Variants in HDAC9 observed in about 807,000 individuals in gnomAD.
The protein encoded by HDAC9 is MEF-2 interacting transcription repressor (MITR) protein.
Under a neutral mutation model 139.4 loss-of-function variants are expected in HDAC9, and 41 were observed. The ratio of observed to expected loss-of-function variants is 0.29; its 90% confidence interval spans 0.23 to 0.38. The LOEUF (loss-of-function observed/expected upper bound fraction) is 0.38, where lower values mean the gene tolerates loss of function less well. HDAC9 is among the 10% of genes least tolerant of loss of function. HDAC9 has a pLI of 1.00. For synonymous variants in HDAC9, 517 were observed against 476.2 expected (o/e 1.09, Z -1.12); for missense variants, 1,147 against 1,297.0 (o/e 0.88, Z 1.78).
At chr7:18,100,472 A>T (rs563350206) in intron 1 of HDAC9, among the ~76,000 whole-genome samples, 1 of 151,700 alleles carries the variant, frequency 6.6e-6, no homozygotes, top group Admixed American at 6.6e-5. Context: ...CTGTTTGTTT[A>T]TTTTTATTTT....
chr7:18,911,030 T>C (rs1018937372), intron 22 of HDAC9, among the ~76,000 whole-genome samples: 26 of 151,926 alleles, frequency 1.7e-4, no homozygotes, highest in African/African-American at 6.3e-4. Flanking sequence ...TTGGTGTTAT[T>C]TATTCTTCCA....
intron 1 of HDAC9, among the ~76,000 whole-genome samples, chr7:18,438,285 C>G (rs186869892): frequency 9.2e-5 from 14 of 152,062 alleles, no homozygotes; most frequent in African/African-American, 3.1e-4. Context: ...TACCTTTATT[C>G]ACTCTGAGGA....
At chr7:18,162,313 C>T (rs1787683936) in exon 2 of HDAC9, 1 of 1,535,074 alleles carries the variant, frequency 6.5e-7, no homozygotes, top group Non-Finnish European at 8.7e-7. Flanking sequence ...CTTAGCAGTC[C>T]CTCTGATTCT....
chr7:18,273,671 G>A (rs1796531938), intron 2 of HDAC9, among the ~76,000 whole-genome samples: 1 of 152,098 alleles, frequency 6.6e-6, no homozygotes, highest in African/African-American at 2.4e-5. Flanking sequence ...ATTTTAAAAA[G>A]CACTAATCTC....
chr7:18,973,463 A>G (rs935688549), intron 24 of HDAC9, among the ~76,000 whole-genome samples: 1 of 152,260 alleles, frequency 6.6e-6, no homozygotes, highest in Non-Finnish European at 1.5e-5. Flanking sequence ...GGGTAATACT[A>G]CAATAACATT....
chr7:18,809,265 T>A (rs1334336476), intron 17 of HDAC9, among the ~76,000 whole-genome samples: 1 of 151,914 alleles, frequency 6.6e-6, no homozygotes, highest in Non-Finnish European at 1.5e-5. Context: ...AAACCCTCCT[T>A]AACAGGGTCT....
chr7:18,132,219 A>G lies in HDAC9; in HGVS notation c.-96-30010A>G, dbSNP rs553560745. On this transcript the variant is annotated intron_variant, in intron 1 of 12. Transcript: ENST00000417496. ...ATGTTATTTCTCTTTTCTTCAGACA[A>G]TGAGTAGCTTCCAAAATCCATGATG... 8.5e-5 allele frequency among the ~76,000 whole-genome samples: 13 copies of G among 152,232 alleles called. No homozygotes were observed. The East Asian group carries it at 1.4e-3, about 16-fold the overall frequency.
intron 1 of HDAC9, among the ~76,000 whole-genome samples, chr7:18,123,110 T>C (rs991537633): frequency 6.6e-6 from 1 of 152,216 alleles, no homozygotes; most frequent in African/African-American, 2.4e-5. Context: ...ATTTGTAAAG[T>C]AATTCCTTCC....
chr7:18,953,433 G>C (rs2853558), intron 23 of HDAC9, among the ~76,000 whole-genome samples: 1 of 152,068 alleles, frequency 6.6e-6, no homozygotes, highest in African/African-American at 2.4e-5. Context: ...ATTATTTAAA[G>C]CTTCTCTTCA....
At chr7:18,108,357 A>G (rs1044476525) in intron 1 of HDAC9, among the ~76,000 whole-genome samples, 2 of 152,182 alleles carry the variant, frequency 1.3e-5, no homozygotes, top group Non-Finnish European at 1.5e-5. Flanking sequence ...GGAGTGCTCA[A>G]GTGTGAAAAA....
chr7:18,810,930 G>A (rs915694250), intron 17 of HDAC9, among the ~76,000 whole-genome samples: 1 of 151,918 alleles, frequency 6.6e-6, no homozygotes, highest in East Asian at 1.9e-4. Context: ...GAAAAAAACT[G>A]CTATAAAGAA....
chr7:18,886,430 G>A (rs1800158552), intron 22 of HDAC9, among the ~76,000 whole-genome samples: 1 of 152,120 alleles, frequency 6.6e-6, no homozygotes, highest in Admixed American at 6.5e-5. Flanking sequence ...CAGCTAATGT[G>A]TACTGTATTC....
At chr7:18,395,702 A>G (rs900045645) in intron 1 of HDAC9, among the ~76,000 whole-genome samples, 2 of 152,124 alleles carry the variant, frequency 1.3e-5, no homozygotes, top group Non-Finnish European at 2.9e-5. Context: ...TGACATTGCC[A>G]AGACATATTA....
At chr7:18,835,410 G>A in intron 19 of HDAC9, 57 bp from the exon 20 acceptor site, 1 of 1,535,844 alleles carries the variant, frequency 6.5e-7, no homozygotes, top group Non-Finnish European at 8.8e-7. Context: ...CAGAAAGGTT[G>A]TCTCCACACA....
intron 1 of HDAC9, among the ~76,000 whole-genome samples, chr7:18,149,326 T>A (rs1786576484): frequency 6.7e-6 from 1 of 149,930 alleles, no homozygotes. Context: ...TAACAACATA[T>A]TAATTCTTAT....
At chr7:18,534,279 G>T (rs1037722831) in intron 2 of HDAC9, among the ~76,000 whole-genome samples, 1 of 152,208 alleles carries the variant, frequency 6.6e-6, no homozygotes, top group African/African-American at 2.4e-5. Flanking sequence ...GCATGTGCAG[G>T]CGTGATGGCT....
At chr7:18,371,610 A>G (rs1784598990) in intron 1 of HDAC9, among the ~76,000 whole-genome samples, 1 of 152,218 alleles carries the variant, frequency 6.6e-6, no homozygotes, top group Non-Finnish European at 1.5e-5. Flanking sequence ...AAAGTACTAT[A>G]CAGACACAAT....
chr7:18,812,149 A>C (rs116455964), intron 17 of HDAC9, among the ~76,000 whole-genome samples: 2,784 of 151,952 alleles, frequency 0.018, 92 homozygotes, highest in African/African-American at 0.063. Flanking sequence ...AATCTATTTT[A>C]TCTGCAGTTG....
chr7:18,113,866 A>G (rs1023335590), intron 1 of HDAC9, among the ~76,000 whole-genome samples: 10 of 152,170 alleles, frequency 6.6e-5, no homozygotes, highest in African/African-American at 2.4e-4. Context: ...TGAAATATTA[A>G]TTATCCTAAA....
Sources: gnomAD v4.1 joint callset for allele counts (sites outside exome capture counted in the v4.1 genomes callset) on GRCh38, gnomAD v4.1.1 for gene constraint, MANE v1.5 for transcripts, NCBI Gene and HGNC (gene_info 2026-07-23, HGNC 2026-07-21) for gene names.